The following HDAC10 variants were observed in gnomAD, a reference collection of about 807,000 sequenced individuals.
The protein encoded by HDAC10 is polyamine deacetylase HDAC10.
A neutral mutation model predicts 82.3 loss-of-function variants in HDAC10; 90 were observed. The observed-to-expected ratio is 1.09, with a 90% confidence interval of 0.92 to 1.30. The LOEUF is 1.30. HDAC10 is among the 50% of genes most tolerant of loss of function. The pLI, the probability that HDAC10 is intolerant of heterozygous loss-of-function variation, is 0.00. For missense variants in HDAC10, 934 were observed against 876.3 expected, an observed-to-expected ratio of 1.07 and a Z score of -0.83; for synonymous variants, 456 against 391.7, an observed-to-expected ratio of 1.16 and a Z score of -1.94.
Position 50,246,047 on chromosome 22 carries a change from G to A in HDAC10, c.1696C>T (p.Leu566=). 6.2e-7 allele frequency: 1 copy of A among 1,612,266 alleles called. No individual in the cohort carries two copies. The highest frequency in any genetic ancestry group is 8.5e-7 in the Non-Finnish European group (1 of 1,179,406). ...LSCILGLVLP[L]AYGFQPDLVL... ...AGGTCAGGCTGGAAGCCATAGGCCA[G>A]GGGCAGCACCAAGCCCAAGATGCAG... The change falls in exon 18 of 20, where the codon CTG becomes TTG. Residue 566 remains leucine, a synonymous_variant. Coordinates refer to ENST00000216271, the MANE Select transcript of HDAC10 (RefSeq NM_032019.6).
chr22:50,246,573 T>G (rs1029486544), intron 16 of HDAC10, 106 bp downstream of exon 16: 1 of 1,225,562 alleles, frequency 8.2e-7, no homozygotes, highest in African/African-American at 1.5e-5. Context: ...CTCCATTCAG[T>G]ACCACACAGT....
At position 50,248,277 on chromosome 22, in the gene HDAC10, G is replaced by A. The variant is rs776150306; in HGVS notation, c.1029C>T (p.Ile343=). ...GGGCCTGGGCAGCACGGGCACTCTGGATGGACTCTAGGGCACTGTGAGGGA... is the reference window on the plus strand; with the variant it reads ...GGGCCTGGGCAGCACGGGCACTCTGAATGGACTCTAGGGCACTGTGAGGGA... ...MAPCQSALES[I]QSARAAQAPH... Residue 343 remains isoleucine, a synonymous_variant, in exon 12 of 20, where the codon ATC becomes ATT. Transcript: ENST00000216271. This position sits in a 1 kb window ranked among gnomAD's most constrained non-coding sequence, Gnocchi z 5.4. 3 of 1,612,490 alleles carry A rather than the reference G, an allele frequency of 1.9e-6. No individual in the cohort carries two copies. The East Asian group carries it at 6.7e-5, about 36-fold the overall frequency.
chr22:50,250,674 A>T, intron 2 of HDAC10, 97 bp downstream of exon 2: 1 of 1,380,008 alleles, frequency 7.2e-7, no homozygotes. Context: ...GAGGCTCTGT[A>T]TTCGAGGCTG....
intron 4 of HDAC10, 31 bp downstream of exon 4, chr22:50,250,032 A>C (rs778052494): frequency 6.2e-7 from 1 of 1,607,888 alleles, no homozygotes; most frequent in Non-Finnish European, 8.5e-7. Context: ...CCACCCACGG[A>C]GGAGCAGCCA....
chr22:50,248,072 A>AC lies in HDAC10; in HGVS notation c.1154dup (p.Pro386SerfsTer4), dbSNP rs1569134992. On this transcript the variant is annotated frameshift_variant, in exon 13 of 20. Transcript: ENST00000216271. LOFTEE classifies it high-confidence loss of function. The surrounding 1 kb of genome is among the most constrained non-coding windows in gnomAD (Gnocchi z 5.4). ...CAGATGCAGCTGCCTTACACACTGG[A>AC]CCCCCAGGCAGCAGAGGTGGAGGCC... 1.9e-6 allele frequency: 3 copies of AC among 1,602,596 alleles called. No homozygotes were observed. The highest frequency in any genetic ancestry group is 3.4e-5 in the Admixed American group (2 of 59,576).
Position 50,249,423 on chromosome 22 carries a change from G to A in HDAC10, c.595C>T (p.His199Tyr). 6.2e-7 allele frequency: 1 copy of A among 1,612,724 alleles called. No individual in the cohort carries two copies. The highest frequency in any genetic ancestry group is 1.7e-5 in the Admixed American group (1 of 60,018). The change falls in exon 7 of 20, where the codon CAT (histidine) becomes TAT (tyrosine). Residue 199 changes from histidine (H) to tyrosine (Y), a missense_variant. Coordinates refer to ENST00000216271, the MANE Select transcript of HDAC10 (RefSeq NM_032019.6). The surrounding 1 kb of genome is among the most constrained non-coding windows in gnomAD (Gnocchi z 4.4). ...CGCAGGAAAGGCCAGAAGCGCCCAT[G>A]CTCATAGCGGTGCCAGGAGAAGTAA... ...VLYFSWHRYE[H>Y]GRFWPFLRES...
In HDAC10 at chr22:50,248,643, G is replaced by A. The variant is rs1019760852; in HGVS notation, c.906+19C>T. Reference sequence around the variant, plus strand: ...GGCCTCTGGCCCAGAGACCCTCCCTGTGTGCCCTCCCCAGTCACCTCCAGC... The same window carrying A: ...GGCCTCTGGCCCAGAGACCCTCCCTATGTGCCCTCCCCAGTCACCTCCAGC... On this transcript the variant is annotated intron_variant, in intron 10 of 19. Coordinates refer to ENST00000216271, the MANE Select transcript of HDAC10 (RefSeq NM_032019.6). The surrounding 1 kb of genome is among the most constrained non-coding windows in gnomAD (Gnocchi z 5.4). The A allele has an allele frequency of 6.7e-7, 1 of 1,485,828 alleles. No individual in the cohort carries two copies. 92.0% of individuals were successfully genotyped at this position (1,485,828 alleles called of 1,614,324 possible). A position where few individuals can be genotyped will look rare whatever the true frequency, so the allele number is the denominator to read the frequency against.
rs749182880 is a variant in HDAC10 at position 50,249,193 on chromosome 22, C to A, written c.691-25G>T. On this transcript the variant is annotated intron_variant, in intron 7 of 19. Coordinates refer to ENST00000216271, the MANE Select transcript of HDAC10 (RefSeq NM_032019.6). The surrounding 1 kb of genome is among the most constrained non-coding windows in gnomAD (Gnocchi z 4.4). ...CCTGGCAGGACATCCCAGGCTACAT[C>A]CTGAACTGTGGGGCAGGGGAGGGGC... 30 of 1,548,768 alleles carry A rather than the reference C, an allele frequency of 1.9e-5. No homozygotes were observed. Among genetic ancestry groups the A allele is most frequent in the African/African-American group, 2.8e-5 (2 of 71,522 alleles).
Position 50,245,320 on chromosome 22 carries a change from C to CGAGGT in HDAC10, c.*182_*186dup, listed in dbSNP as rs2064912610. The CGAGGT allele has an allele frequency of 1.9e-6, 1 of 526,024 alleles. No homozygotes were observed. Among genetic ancestry groups the CGAGGT allele is most frequent in the Admixed American group, 3.3e-5 (1 of 30,342 alleles). The allele number at this position is 526,024 out of a possible 1,614,324, so 32.6% of individuals were successfully genotyped here. ...CGGGGCGCGATGGGTGGGGCGGGGG[C>CGAGGT]GAGGTGAGGTGAGGGGTGGAGCGGG... is the stretch of plus-strand genomic sequence containing the variant. On this transcript the variant is annotated 3_prime_UTR_variant, in exon 20 of 20. Transcript: ENST00000216271.
chr22:50,246,703 C>T lies in HDAC10; in HGVS notation c.1547G>A (p.Arg516Gln), dbSNP rs761119286. Residue 516 changes from arginine to glutamine, a missense_variant, in exon 16 of 20, where the codon CGG becomes CAG. Transcript: ENST00000216271. The part of the protein sequence containing the change: ...LLCVALGQLD[R>Q]PPDLAHDGRS... ...CCCGTCATGGGCGAGGTCTGGAGGC[C>T]GGTCCAGCTGTCCCAGGGCCACGCA... is the stretch of plus-strand genomic sequence containing the variant. The T allele has an allele frequency of 1.4e-4, 230 of 1,611,746 alleles. No individual in the cohort carries two copies. The highest frequency in any genetic ancestry group is 8.3e-5 in the Admixed American group (5 of 59,998).
At position 50,249,160 on chromosome 22, in the gene HDAC10, C is replaced by G. The variant is rs765537698; in HGVS notation, c.699G>C (p.Met233Ile). 1 of 1,602,802 alleles carries G rather than the reference C, an allele frequency of 6.2e-7. No individual in the cohort carries two copies. The highest frequency in any genetic ancestry group is 8.5e-7 in the Non-Finnish European group (1 of 1,175,850). Residue 233 changes from methionine to isoleucine, a missense_variant, in exon 8 of 20, where the codon ATG (methionine) becomes ATC (isoleucine). Transcript: ENST00000216271. This position sits in a 1 kb window ranked among gnomAD's most constrained non-coding sequence, Gnocchi z 4.4. Reference sequence around the variant, plus strand: ...AGGCAGCCACGTAGTCAGCGTTTCCCATCCCAACCTGGCAGGACATCCCAG... The same window carrying G: ...AGGCAGCCACGTAGTCAGCGTTTCCGATCCCAACCTGGCAGGACATCCCAG... ...TVNLPWNQVG[M>I]GNADYVAAFL...
At position 50,246,651 on chromosome 22, in the gene HDAC10, G is replaced by A. The variant is rs376446399; in HGVS notation, c.1571+28C>T. On this transcript the variant is annotated intron_variant, in intron 16 of 19. Transcript: ENST00000216271. Reference sequence around the variant, plus strand: ...CACATGCCCGTCCACATGCATGGCTGGACATATGCAAGACCTGAGAGTCCT... The same window carrying A: ...CACATGCCCGTCCACATGCATGGCTAGACATATGCAAGACCTGAGAGTCCT... 17 of 1,605,874 alleles carry A rather than the reference G, an allele frequency of 1.1e-5. No homozygotes were observed. In the African/African-American group the frequency reaches 1.9e-4, roughly 18 times the overall value.
Position 50,249,991 on chromosome 22 carries a change from C to A in HDAC10, c.390-27G>T, listed in dbSNP as rs1189014529. On this transcript the variant is annotated intron_variant, in intron 4 of 19. Transcript: ENST00000216271. The surrounding 1 kb of genome is among the most constrained non-coding windows in gnomAD (Gnocchi z 4.4). The stretch of plus-strand genomic sequence containing the variant: ...TACGGCGTGAGAGTAGGATTTGGGT[C>A]ACGTCAGGGTCGCCCTGGCCCCTCA... 1 of 1,610,812 alleles carries A rather than the reference C, an allele frequency of 6.2e-7. No individual in the cohort carries two copies.
chr22:50,249,704 C>T lies in HDAC10; in HGVS notation c.495-1G>A. On this transcript the variant is annotated splice_acceptor_variant, in intron 5 of 19. Transcript: ENST00000216271. LOFTEE classifies it high-confidence loss of function. This position sits in a 1 kb window ranked among gnomAD's most constrained non-coding sequence, Gnocchi z 4.4. ...CACATCCCAGTCCACGACGAGGATCCTGGGTACAGACAGCGCTGGTGGCAA... is the reference window on the plus strand; with the variant it reads ...CACATCCCAGTCCACGACGAGGATCTTGGGTACAGACAGCGCTGGTGGCAA... The T allele has an allele frequency of 6.2e-7, 1 of 1,612,712 alleles. No homozygotes were observed. Among genetic ancestry groups the T allele is most frequent in the Non-Finnish European group, 8.5e-7 (1 of 1,179,956 alleles).
rs201996615 is a variant in HDAC10 at position 50,250,104 on chromosome 22, A to T, written c.348T>A (p.Ala116=). The T allele has an allele frequency of 8.1e-5, 131 of 1,612,720 alleles. No individual in the cohort carries two copies. The East Asian group carries it at 2.7e-3, about 34-fold the overall frequency. ...AAGAGLQLVD[A]VLTGAVQNGL... is the part of the protein sequence containing the mutation. Reference sequence around the variant, plus strand: ...CATTTTGCACAGCTCCAGTGAGCACAGCGTCCACCAGCTGCAGTCCAGCCC... The same window carrying T: ...CATTTTGCACAGCTCCAGTGAGCACTGCGTCCACCAGCTGCAGTCCAGCCC... The change falls in exon 4 of 20, where the codon GCT becomes GCA. Residue 116 remains alanine (A), a synonymous_variant. Coordinates refer to ENST00000216271, the MANE Select transcript of HDAC10 (RefSeq NM_032019.6).
chr22:50,250,870 G>C lies in HDAC10; in HGVS notation c.95C>G (p.Thr32Ser). 1 of 1,602,212 alleles carries C rather than the reference G, an allele frequency of 6.2e-7. No individual in the cohort carries two copies. The highest frequency in any genetic ancestry group is 8.5e-7 in the Non-Finnish European group (1 of 1,175,046). ...ECEIERPERLTAALDRLRQRG... is the reference protein window; with the variant it reads ...ECEIERPERLSAALDRLRQRG... ...CTGCCGCAGGCGATCCAGGGCTGCGGTCAGGCGCTCAGGACGCTCGATCTC... is the reference window on the plus strand; with the variant it reads ...CTGCCGCAGGCGATCCAGGGCTGCGCTCAGGCGCTCAGGACGCTCGATCTC... The change falls in exon 2 of 20, where the codon ACC becomes AGC. Residue 32 changes from threonine to serine, a missense_variant. Transcript: ENST00000216271.
Position 50,246,338 on chromosome 22 carries a change from G to A in HDAC10, c.1610C>T (p.Ala537Val), listed in dbSNP as rs758552349. The A allele has an allele frequency of 1.8e-5, 29 of 1,612,856 alleles. No homozygotes were observed. The East Asian group carries it at 4.7e-4, about 26-fold the overall frequency. ...GGAGACATGGAACATGGATAGGGCAGCCGCCTCCTTGCCCCTGATGTTCAG... is the reference window on the plus strand; with the variant it reads ...GGAGACATGGAACATGGATAGGGCAACCGCCTCCTTGCCCCTGATGTTCAG... ...LWLNIRGKEA[A>V]ALSMFHVSTP... The change falls in exon 17 of 20, where the codon GCT becomes GTT. Residue 537 changes from alanine to valine, a missense_variant. By Grantham distance (64) the Ala-to-Val change is moderately conservative. Coordinates refer to ENST00000216271, the MANE Select transcript of HDAC10 (RefSeq NM_032019.6).
rs1159828487 is a variant in HDAC10, at chr22:50,249,823, C to T, written c.494+37G>A. On this transcript the variant is annotated intron_variant, in intron 5 of 19. Coordinates refer to ENST00000216271, the MANE Select transcript of HDAC10 (RefSeq NM_032019.6). This position sits in a 1 kb window ranked among gnomAD's most constrained non-coding sequence, Gnocchi z 4.4. ...TCCTGCGCTGCCCCTTGCTGTGTGGCCTGGGCCCACCCCCCTGCAGCCAGC... is the reference window on the plus strand; with the variant it reads ...TCCTGCGCTGCCCCTTGCTGTGTGGTCTGGGCCCACCCCCCTGCAGCCAGC... The T allele has an allele frequency of 3.1e-6, 5 of 1,605,454 alleles. No individual in the cohort carries two copies. Among genetic ancestry groups the T allele is most frequent in the South Asian group, 2.2e-5 (2 of 90,702 alleles).
At chr22:50,250,255 C>A in intron 3 of HDAC10, 95 bp from the exon 4 acceptor site, 1 of 1,321,128 alleles carries the variant, frequency 7.6e-7, no homozygotes, top group East Asian at 2.4e-5. Context: ...ACACCAGCTG[C>A]TGAGCAGAAC....
Sources: allele counts gnomAD v4.1 joint callset, GRCh38; gene constraint gnomAD v4.1.1; non-coding constraint Gnocchi (gnomAD v3.1); transcripts MANE v1.5; gene names NCBI Gene and HGNC (gene_info 2026-07-23, HGNC 2026-07-21).